The following ALDH1A2 variants were observed in gnomAD, a reference collection of about 807,000 sequenced individuals.
ALDH1A2 encodes retinal dehydrogenase 2.
In ALDH1A2, 27 loss-of-function variants were observed where a neutral mutation model predicts 60.3. That is an observed-to-expected ratio of 0.45 (90% CI 0.33 to 0.62). ALDH1A2 has a LOEUF of 0.62. Among genes scored for constraint, ALDH1A2 ranks in the 20% least tolerant of loss-of-function variants. The pLI, the probability that ALDH1A2 is intolerant of heterozygous loss-of-function variation, is 0.02. For missense variants in ALDH1A2, 581 were observed against 643.8 expected, an observed-to-expected ratio of 0.90 and a Z score of 1.06; for synonymous variants, 289 against 232.4, an observed-to-expected ratio of 1.24 and a Z score of -2.21.
chr15:57,991,535 A>G (rs1439994346), intron 7 of ALDH1A2: 1 of 152,230 alleles, frequency 6.6e-6, no homozygotes, highest in Non-Finnish European at 1.5e-5. Flanking sequence ...TGTGCTGTCC[A>G]ATACGGTAGC....
In ALDH1A2 at chr15:57,968,848, A is replaced by ATTAT. The variant is rs1372611689; in HGVS notation, c.799-3025_799-3022dup. Among the ~76,000 whole-genome samples, 14 of 152,312 alleles carry ATTAT rather than the reference A, an allele frequency of 9.2e-5. No homozygotes were observed. In the East Asian group the frequency reaches 2.7e-3, roughly 29 times the overall value. The stretch of plus-strand genomic sequence containing the variant: ...TTGCCACTAGAAATGTCGGCCAGTG[A>ATTAT]TTATTTTCATGGCTATGGTAACTAT... On this transcript the variant is annotated intron_variant, in intron 7 of 12. Transcript: ENST00000249750.
At position 57,955,284 on chromosome 15, in the gene ALDH1A2, T is replaced by C. The variant is rs1389705615; in HGVS notation, c.1485-15A>G. Reference sequence around the variant, plus strand: ...CAAATTCTCCCCTGAAACACAGAAATGGGCCGGGTCAGATACCAGAAGTCC... The same window carrying C: ...CAAATTCTCCCCTGAAACACAGAAACGGGCCGGGTCAGATACCAGAAGTCC... On this transcript the variant is annotated splice_polypyrimidine_tract_variant and intron_variant, in intron 12 of 12. Transcript: ENST00000249750. The C allele has an allele frequency of 2.5e-6, 4 of 1,613,760 alleles. No homozygotes were observed. The highest frequency in any genetic ancestry group is 2.2e-5 in the East Asian group (1 of 44,864).
intron 5 of ALDH1A2, 67 bp downstream of exon 5, chr15:57,995,011 T>TG: frequency 6.9e-7 from 1 of 1,440,216 alleles, no homozygotes; most frequent in Non-Finnish European, 9.8e-7. Flanking sequence ...GAGGACCATG[T>TG]TTTATGTGTC....
At chr15:58,009,587 T>C (rs1438666610) in intron 4 of ALDH1A2, among the ~76,000 whole-genome samples, 1 of 150,848 alleles carries the variant, frequency 6.6e-6, no homozygotes, top group Non-Finnish European at 1.5e-5. Context: ...AAGTGGCATC[T>C]AGTATCCACT....
At chr15:58,034,512 A>C (rs1375760655) in intron 1 of ALDH1A2, among the ~76,000 whole-genome samples, 3 of 151,722 alleles carry the variant, frequency 2.0e-5, no homozygotes, top group Admixed American at 2.0e-4. Flanking sequence ...GAATAGCAGC[A>C]GCAAGAGGGG....
At chr15:57,994,975 T>C in intron 5 of ALDH1A2, 103 bp downstream of exon 5, 1 of 1,143,148 alleles carries the variant, frequency 8.7e-7, no homozygotes, top group Non-Finnish European at 1.3e-6. Flanking sequence ...TTTTTTTTCC[T>C]CCAGTAATGG....
intron 7 of ALDH1A2, among the ~76,000 whole-genome samples, chr15:57,968,999 A>G (rs1210538429): frequency 7.8e-6 from 1 of 127,392 alleles, no homozygotes; most frequent in Admixed American, 7.4e-5. Context: ...CTAACTCGGT[A>G]AACACCACAA....
At chr15:58,038,989 A>C (rs972636333) in intron 1 of ALDH1A2, among the ~76,000 whole-genome samples, 1 of 151,752 alleles carries the variant, frequency 6.6e-6, no homozygotes, top group African/African-American at 2.4e-5. Context: ...TTCACTCTGG[A>C]AAGTTTTTTG....
intron 7 of ALDH1A2, among the ~76,000 whole-genome samples, chr15:57,990,791 G>A (rs977763489): frequency 1.4e-5 from 2 of 147,944 alleles, no homozygotes; most frequent in Admixed American, 1.4e-4. Context: ...CAGGAGAATC[G>A]CTTGAACCTG....
intron 1 of ALDH1A2, among the ~76,000 whole-genome samples, chr15:58,060,432 G>C (rs1292854410): frequency 6.8e-6 from 1 of 146,554 alleles, no homozygotes; most frequent in Non-Finnish European, 1.5e-5. Flanking sequence ...TTGAAAGTCA[G>C]TGAAGAAACT....
At chr15:58,062,123 T>C (rs949719203) in intron 1 of ALDH1A2, among the ~76,000 whole-genome samples, 8 of 152,192 alleles carry the variant, frequency 5.3e-5, no homozygotes, top group Non-Finnish European at 1.0e-4. Context: ...TTTAAGTTGA[T>C]TGCCTTTTTG....
Position 58,045,533 on chromosome 15 carries a change from A to C in ALDH1A2, c.117+20001T>G, listed in dbSNP as rs559884933. 1.2e-4 allele frequency among the ~76,000 whole-genome samples: 18 copies of C among 152,214 alleles called. No individual in the cohort carries two copies. The South Asian group carries it at 3.7e-3, about 32-fold the overall frequency. ...TGATAGACTGGATAAAGAAAATGTG[A>C]AACATATACACCATGGAATACTATG... On this transcript the variant is annotated intron_variant, in intron 1 of 12. Transcript: ENST00000249750.
intron 1 of ALDH1A2, among the ~76,000 whole-genome samples, chr15:58,020,877 A>G (rs1371035605): frequency 6.6e-6 from 1 of 152,170 alleles, no homozygotes; most frequent in African/African-American, 2.4e-5. Flanking sequence ...ATTTATCAAC[A>G]TATTCCTTAA....
At chr15:58,040,926 T>C (rs894610822) in intron 1 of ALDH1A2, among the ~76,000 whole-genome samples, 17 of 151,818 alleles carry the variant, frequency 1.1e-4, no homozygotes, top group Admixed American at 1.1e-3. Flanking sequence ...AAAACTAAAA[T>C]GAACTTCCCC....
At chr15:57,964,132 G>A (rs537977490) in intron 8 of ALDH1A2, 63 bp from the exon 9 acceptor site, 45 of 1,572,164 alleles carry the variant, frequency 2.9e-5, no homozygotes, top group Middle Eastern at 2.1e-4. Flanking sequence ...CTATGAAGCC[G>A]CCTCCCTCCC....
At chr15:58,039,737 C>G (rs1283985764) in intron 1 of ALDH1A2, among the ~76,000 whole-genome samples, 5 of 151,494 alleles carry the variant, frequency 3.3e-5, no homozygotes, top group African/African-American at 1.2e-4. Context: ...TTAAGTGACT[C>G]ACAACATTGA....
intron 3 of ALDH1A2, among the ~76,000 whole-genome samples, chr15:58,010,991 T>G (rs1319964557): frequency 6.6e-6 from 1 of 152,194 alleles, no homozygotes; most frequent in Non-Finnish European, 1.5e-5. Context: ...ATGTGCATAT[T>G]CCTGTGCTTC....
intron 7 of ALDH1A2, among the ~76,000 whole-genome samples, chr15:57,983,719 G>T (rs1046062302): frequency 3.9e-5 from 6 of 152,038 alleles, no homozygotes; most frequent in Non-Finnish European, 7.4e-5. Context: ...TTCTCTCCAT[G>T]CTCCCATAAC....
At chr15:58,020,446 G>GAT (rs1261226973) in intron 1 of ALDH1A2, among the ~76,000 whole-genome samples, 1 of 152,120 alleles carries the variant, frequency 6.6e-6, no homozygotes, top group Non-Finnish European at 1.5e-5. Flanking sequence ...GAAACACACT[G>GAT]AAGAACGAGG....
Sources: gnomAD v4.1 joint callset for allele counts (sites outside exome capture counted in the v4.1 genomes callset) on GRCh38, gnomAD v4.1.1 for gene constraint, MANE v1.5 for transcripts, NCBI Gene and HGNC (gene_info 2026-07-23, HGNC 2026-07-21) for gene names.